FSTL4: variants seen among roughly 807,000 people sequenced by gnomAD.
FSTL4 encodes the protein follistatin like 4, also known as follistatin-related protein 4.
A neutral mutation model predicts 78.2 loss-of-function variants in FSTL4; 28 were observed. The ratio of observed to expected loss-of-function variants is 0.36; its 90% CI spans 0.27 to 0.49. The LOEUF is 0.49. Among genes scored for constraint, FSTL4 ranks in the 20% least tolerant of loss-of-function variants. The pLI is 0.98. For synonymous variants in FSTL4, 422 were observed against 440.5 expected, an observed-to-expected ratio of 0.96 and a Z score of 0.53; for missense variants, 922 against 1,084.9, an observed-to-expected ratio of 0.85 and a Z score of 2.11.
the FSTL4 span, among the ~76,000 whole-genome samples, chr5:133,799,718 C>G: frequency 7.2e-6 from 1 of 139,542 alleles, no homozygotes; most frequent in African/African-American, 2.6e-5. Flanking sequence ...ACGCCTCCCC[C>G]TCCTGGCCCA....
At chr5:133,516,021 A>C (rs754083512) in intron 3 of FSTL4, among the ~76,000 whole-genome samples, 2 of 152,164 alleles carry the variant, frequency 1.3e-5, no homozygotes, top group Non-Finnish European at 2.9e-5. Flanking sequence ...AAGAATACCA[A>C]ATCAAACCTA....
intron 6 of FSTL4, among the ~76,000 whole-genome samples, chr5:133,307,954 G>C (rs556464144): frequency 2.0e-5 from 3 of 152,050 alleles, no homozygotes; most frequent in Admixed American, 6.5e-5. Flanking sequence ...CTAAGTTTTT[G>C]TATTTTTAGT....
chr5:133,266,329 C>T (rs1054991717), intron 6 of FSTL4, among the ~76,000 whole-genome samples: 1 of 152,260 alleles, frequency 6.6e-6, no homozygotes, highest in Non-Finnish European at 1.5e-5. Flanking sequence ...GTGGGCAGAA[C>T]GGCTTTGTGC....
At chr5:133,431,883 A>G (rs1756947037) in intron 3 of FSTL4, among the ~76,000 whole-genome samples, 1 of 152,192 alleles carries the variant, frequency 6.6e-6, no homozygotes, top group Admixed American at 6.5e-5. Context: ...TTTTTCATTA[A>G]TAATTACAAT....
At chr5:133,456,023 C>T (rs1757480026) in intron 3 of FSTL4, among the ~76,000 whole-genome samples, 1 of 152,220 alleles carries the variant, frequency 6.6e-6, no homozygotes, top group Non-Finnish European at 1.5e-5. Flanking sequence ...GCAAGTTCTA[C>T]TTGCTACGTG....
the FSTL4 span, among the ~76,000 whole-genome samples, chr5:133,789,241 G>T: frequency 6.6e-6 from 1 of 152,170 alleles, no homozygotes; most frequent in Admixed American, 6.5e-5. Flanking sequence ...ATCTGCATCC[G>T]AAGGGAACCT....
chr5:133,594,430 T>C (rs535549749), intron 2 of FSTL4, among the ~76,000 whole-genome samples: 3 of 152,334 alleles, frequency 2.0e-5, no homozygotes, highest in African/African-American at 7.2e-5. Context: ...TGACCTCAGG[T>C]GATCTGACCG....
At chr5:133,676,369 T>G in the FSTL4 span, among the ~76,000 whole-genome samples, 2 of 152,240 alleles carry the variant, frequency 1.3e-5, no homozygotes, top group Non-Finnish European at 2.9e-5. Flanking sequence ...CAATACCTTT[T>G]GTTAAGAACA....
chr5:133,285,387 T>C (rs1367669716), intron 6 of FSTL4, among the ~76,000 whole-genome samples: 1 of 152,180 alleles, frequency 6.6e-6, no homozygotes, highest in Non-Finnish European at 1.5e-5. Flanking sequence ...TGAGGTTCAG[T>C]CAGGTGCCAG....
chr5:133,773,284 G>A, the FSTL4 span, among the ~76,000 whole-genome samples: 1 of 150,842 alleles, frequency 6.6e-6, no homozygotes, highest in Admixed American at 6.6e-5. Flanking sequence ...TTGAGAAAGA[G>A]CAATGACCCT....
rs538933003 is a variant in FSTL4, at chr5:133,519,515, C to T, written c.160+47671G>A. Among the ~76,000 whole-genome samples the T allele has an allele frequency of 8.0e-4, 122 of 152,328 alleles. 3 individuals carry two copies. The highest frequency in any genetic ancestry group is 3.4e-4 in the Non-Finnish European group (23 of 68,026). ...ACGTGCACGCTTCTTTCTGTCTGCT[C>T]GCTCCAAAGCAGCAACATAAAGGAA... is the stretch of plus-strand genomic sequence containing the variant. On this transcript the variant is annotated intron_variant, in intron 3 of 15. Coordinates refer to ENST00000265342, the MANE Select transcript of FSTL4 (RefSeq NM_015082.2).
At chr5:133,202,120 G>T in intron 14 of FSTL4, 78 bp from the exon 15 acceptor site, 1 of 877,152 alleles carries the variant, frequency 1.1e-6, no homozygotes, top group Non-Finnish European at 1.8e-6. Context: ...ACGCTCAGGT[G>T]GAGTCACCCC....
the FSTL4 span, among the ~76,000 whole-genome samples, chr5:133,746,728 T>C: frequency 6.6e-6 from 1 of 152,140 alleles, no homozygotes. Flanking sequence ...GCGATTCCAT[T>C]TTCACCAAGA....
chr5:133,737,347 G>C, the FSTL4 span, among the ~76,000 whole-genome samples: 1 of 151,588 alleles, frequency 6.6e-6, no homozygotes, highest in Non-Finnish European at 1.5e-5. Flanking sequence ...AAATAAGTGA[G>C]AACATGCAAC....
chr5:133,707,099 G>A, the FSTL4 span, among the ~76,000 whole-genome samples: 1 of 152,334 alleles, frequency 6.6e-6, no homozygotes, highest in East Asian at 1.9e-4. Flanking sequence ...AGTGGTCAGA[G>A]GACCAAACTA....
chr5:133,433,937 G>A (rs1278346997), intron 3 of FSTL4, among the ~76,000 whole-genome samples: 2 of 152,060 alleles, frequency 1.3e-5, no homozygotes, highest in Non-Finnish European at 2.9e-5. Context: ...GATTCCAGGG[G>A]CCTCCGAGCC....
chr5:133,689,859 G>C, the FSTL4 span, among the ~76,000 whole-genome samples: 1 of 152,008 alleles, frequency 6.6e-6, no homozygotes, highest in African/African-American at 2.4e-5. Flanking sequence ...TCAGGTGTTC[G>C]AGACCAGCCT....
the FSTL4 span, among the ~76,000 whole-genome samples, chr5:133,681,699 A>G: frequency 2.0e-5 from 3 of 152,150 alleles, no homozygotes; most frequent in Non-Finnish European, 4.4e-5. Flanking sequence ...CCCCCATGAG[A>G]GAAGCAAGGC....
intron 1 of FSTL4, among the ~76,000 whole-genome samples, chr5:133,605,548 G>T (rs1760959168): frequency 6.6e-6 from 1 of 152,172 alleles, no homozygotes; most frequent in Admixed American, 6.5e-5. Flanking sequence ...CACATTCCAG[G>T]TTTTGTTTGG....
Sources: gnomAD v4.1 joint callset for allele counts (sites outside exome capture counted in the v4.1 genomes callset) on GRCh38, gnomAD v4.1.1 for gene constraint, MANE v1.5 for transcripts, NCBI Gene and HGNC (gene_info 2026-07-23, HGNC 2026-07-21) for gene names.